The following COL4A3 variants were observed in gnomAD, a reference collection of about 807,000 sequenced individuals.
The protein encoded by COL4A3 is collagen alpha-3(IV) chain.
In COL4A3, 135 loss-of-function variants were observed where a neutral mutation model predicts 217.4. The ratio of observed to expected loss-of-function variants is 0.62; its 90% CI spans 0.54 to 0.72. The LOEUF is 0.72. Ranked by LOEUF, COL4A3 falls within the 30% of genes least tolerant of loss-of-function variation. The pLI is 0.00. For synonymous variants in COL4A3, 690 were observed against 736.3 expected, an observed-to-expected ratio of 0.94 and a Z score of 1.02; for missense variants, 1,868 against 2,119.9, an observed-to-expected ratio of 0.88 and a Z score of 2.33.
chr2:227,279,723 A>T (rs1210989051), intron 28 of COL4A3, 70 bp from the exon 29 acceptor site: 1 of 1,059,808 alleles, frequency 9.4e-7, no homozygotes, highest in Non-Finnish European at 1.4e-6. Context: ...TTGAGAGATA[A>T]GAGAGTTACT....
chr2:227,288,504 T>C (rs2072479582), intron 34 of COL4A3, among the ~76,000 whole-genome samples: 1 of 152,218 alleles, frequency 6.6e-6, no homozygotes, highest in Admixed American at 6.5e-5. Flanking sequence ...CAGAACTGGA[T>C]TCAAATCCAA....
intron 34 of COL4A3, among the ~76,000 whole-genome samples, chr2:227,287,379 T>C (rs2072399779): frequency 6.6e-6 from 1 of 151,230 alleles, no homozygotes; most frequent in Admixed American, 6.6e-5. Flanking sequence ...TGCAGTGAGC[T>C]GAGATTGTGC....
At chr2:227,299,072 G>A (rs1056196668) in intron 43 of COL4A3, among the ~76,000 whole-genome samples, 10 of 152,176 alleles carry the variant, frequency 6.6e-5, no homozygotes, top group African/African-American at 1.9e-4. Flanking sequence ...GAGAGAATGA[G>A]TGCCAAGCAA....
intron 18 of COL4A3, 114 bp downstream of exon 18, chr2:227,257,758 A>G: frequency 4.1e-6 from 4 of 985,836 alleles, no homozygotes; most frequent in East Asian, 2.5e-5. Context: ...TATAACATTT[A>G]CCTTGTTGTC....
At chr2:227,292,025 C>A (rs181238243) in intron 37 of COL4A3, among the ~76,000 whole-genome samples, 1 of 152,340 alleles carries the variant, frequency 6.6e-6, no homozygotes, top group Admixed American at 6.5e-5. Flanking sequence ...AGAAGCCCAG[C>A]AACCTCTTGA....
chr2:227,280,338 T>C, intron 29 of COL4A3, 102 bp from the exon 30 acceptor site: 1 of 1,286,724 alleles, frequency 7.8e-7, no homozygotes, highest in Non-Finnish European at 1.1e-6. Flanking sequence ...GATGACATGG[T>C]AGTGGCTGTG....
intron 16 of COL4A3, 106 bp from the exon 17 acceptor site, chr2:227,256,237 T>A (rs2070163327): frequency 8.5e-7 from 1 of 1,170,004 alleles, no homozygotes; most frequent in Non-Finnish European, 1.3e-6. Context: ...AGAGAGATCA[T>A]CTGAGCACAT....
chr2:227,235,999 C>A (rs1375154419), intron 1 of COL4A3, among the ~76,000 whole-genome samples: 2 of 145,154 alleles, frequency 1.4e-5, no homozygotes, highest in African/African-American at 5.1e-5. Context: ...GTCTCGAACT[C>A]CTGACCTCAG....
At chr2:227,217,354 T>C (rs1228617820) in intron 1 of COL4A3, among the ~76,000 whole-genome samples, 1 of 152,226 alleles carries the variant, frequency 6.6e-6, no homozygotes, top group African/African-American at 2.4e-5. Flanking sequence ...TCAGCGACCT[T>C]ACCTATCTAC....
intron 6 of COL4A3, among the ~76,000 whole-genome samples, 159 bp from the exon 7 acceptor site, chr2:227,246,525 GT>G (rs1447247618): frequency 6.6e-6 from 1 of 152,116 alleles, no homozygotes; most frequent in Non-Finnish European, 1.5e-5. Context: ...TAAGATAATG[GT>G]TTTTTGGTCT....
intron 1 of COL4A3, among the ~76,000 whole-genome samples, chr2:227,226,866 C>A (rs1252992223): frequency 2.0e-5 from 3 of 152,126 alleles, no homozygotes; most frequent in Admixed American, 6.5e-5. Context: ...CCATAAAGAG[C>A]CACGTAGTAA....
rs1002836754 is a variant in COL4A3 at position 227,276,448 on chromosome 2, C to T, written c.1991C>T (p.Pro664Leu). The change falls in exon 27 of 52, where the codon CCT (proline) becomes CTT (leucine). Residue 664 changes from proline to leucine, a missense_variant. By Grantham distance (98) the Pro-to-Leu change is moderately conservative (BLOSUM62 -3). Around this residue, in one of 2 missense-constraint regions of COL4A3, gnomAD observed 1,503 missense variants for 1,786.1 expected, o/e 0.84. Transcript: ENST00000396578. Reference protein sequence around the residue: ...VPGPPGPPGPPGHPGPQGPPG... With the variant: ...VPGPPGPPGPLGHPGPQGPPG... ...GGCCCACCAGGACCTCCAGGGCCCC[C>T]TGGCCATCCTGGCCCCCAAGGTCCA... The T allele has an allele frequency of 2.5e-6, 4 of 1,614,158 alleles. No homozygotes were observed. The highest frequency in any genetic ancestry group is 1.3e-5 in the African/African-American group (1 of 75,082).
intron 9 of COL4A3, among the ~76,000 whole-genome samples, chr2:227,248,915 T>A (rs1490265350): frequency 2.0e-5 from 3 of 152,060 alleles, no homozygotes; most frequent in Non-Finnish European, 4.4e-5. Flanking sequence ...AGCCCTATTT[T>A]AAAATTTGCA....
Position 227,254,105 on chromosome 2 carries a change from T to A in COL4A3, c.766-7T>A, listed in dbSNP as rs777532605. 1.2e-5 allele frequency: 19 copies of A among 1,613,580 alleles called. No individual in the cohort carries two copies. The highest frequency in any genetic ancestry group is 1.5e-5 in the Non-Finnish European group (18 of 1,179,586). On this transcript the variant is annotated splice_region_variant and splice_polypyrimidine_tract_variant and intron_variant, in intron 13 of 51. Transcript: ENST00000396578. ...TTTGTAACAATGTTGAACTGTTTCT[T>A]TGGCAGGACCTCAAGGGGGAAAAGG... is the stretch of plus-strand genomic sequence containing the variant.
chr2:227,291,518 G>C (rs550790126), intron 37 of COL4A3, among the ~76,000 whole-genome samples: 1 of 131,104 alleles, frequency 7.6e-6, no homozygotes, highest in South Asian at 2.5e-4. Flanking sequence ...AGCCGAGATC[G>C]CGCCACTGCA....
rs563448493 is a variant in COL4A3, at chr2:227,291,338, C to A, written c.3210+452C>A. On this transcript the variant is annotated intron_variant, in intron 37 of 51. Coordinates refer to ENST00000396578, the MANE Select transcript of COL4A3 (RefSeq NM_000091.5). ...TAGCACTTTGGGAGGCCGAGACGGG[C>A]GGATCACGAGGTCAGGAGATCGAGA... Among the ~76,000 whole-genome samples, 17 of 151,992 alleles carry A rather than the reference C, an allele frequency of 1.1e-4. No individual in the cohort carries two copies. In the East Asian group the frequency reaches 3.3e-3, roughly 29 times the overall value.
In COL4A3 at chr2:227,266,995, G is replaced by A; in HGVS notation, c.1411G>A (p.Glu471Lys). 1 of 1,612,210 alleles carries A rather than the reference G, an allele frequency of 6.2e-7. No individual in the cohort carries two copies. Among genetic ancestry groups the A allele is most frequent in the Admixed American group, 1.7e-5 (1 of 60,018 alleles). Residue 471 changes from glutamate (E) to lysine (K), a missense_variant and splice_region_variant, in exon 23 of 52, where the codon GAA becomes AAA. Physicochemically the swap from Glu to Lys is moderately conservative, Grantham distance 56. Around this residue, in one of 2 missense-constraint regions of COL4A3, gnomAD observed 1,503 missense variants for 1,786.1 expected, o/e 0.84. Coordinates refer to ENST00000396578, the MANE Select transcript of COL4A3 (RefSeq NM_000091.5). ...ATGCTAGTATGCTCTCATTGCAGGA[G>A]AACCAGGCCTCCTGTGTACACAGTG... ...GIPGVDGPKG[E>K]PGLLCTQCPY...
At chr2:227,175,385 C>T (rs1242321659) in intron 1 of COL4A3, among the ~76,000 whole-genome samples, 1 of 152,062 alleles carries the variant, frequency 6.6e-6, no homozygotes, top group African/African-American at 2.4e-5. Flanking sequence ...GCAGGAGAAT[C>T]GCTTGAACCT....
intron 16 of COL4A3, 57 bp from the exon 17 acceptor site, chr2:227,256,286 C>A (rs1420768792): frequency 1.3e-5 from 19 of 1,508,002 alleles, no homozygotes; most frequent in Non-Finnish European, 1.7e-5. Flanking sequence ...ACCTGCTCCC[C>A]CAGAAGAAGT....
Sources: allele counts gnomAD v4.1 joint callset (sites outside exome capture counted in the v4.1 genomes callset), GRCh38; gene constraint gnomAD v4.1.1; regional missense constraint gnomAD v4.1.1; transcripts MANE v1.5; gene names NCBI Gene and HGNC (gene_info 2026-07-23, HGNC 2026-07-21).